Variants in FAM13B observed in about 807,000 individuals in gnomAD.
The protein encoded by FAM13B is family with sequence similarity 13 member B.
FAM13B carries 60 observed loss-of-function variants against 117.3 expected under a neutral mutation model. The observed-to-expected ratio is 0.51, with a 90% confidence interval of 0.42 to 0.63. The LOEUF is 0.63. FAM13B is among the 30% of genes least tolerant of loss of function. The pLI, the probability that FAM13B is intolerant of heterozygous loss-of-function variation, is 0.00. For synonymous variants in FAM13B, 332 were observed against 356.1 expected, an observed-to-expected ratio of 0.93 and a Z score of 0.76; for missense variants, 972 against 1,091.9, an observed-to-expected ratio of 0.89 and a Z score of 1.55.
rs1203381987 is a variant in FAM13B, at chr5:138,032,781, C to G, written c.-203+1G>C. 1.0e-6 allele frequency: 1 copy of G among 985,676 alleles called. No homozygotes were observed. The highest frequency in any genetic ancestry group is 1.7e-5 in the African/African-American group (1 of 57,244). 61.1% of individuals were successfully genotyped at this position (985,676 alleles called of 1,614,324 possible). On this transcript the variant is annotated splice_donor_variant, in intron 1 of 23. Transcript: ENST00000689681. LOFTEE classifies it low-confidence loss of function (5UTR_SPLICE). The stretch of plus-strand genomic sequence containing the variant: ...ATCCGGGTACCCGCCCGTTTACCTA[C>G]CGTTGGAACCGCGATGCCCCGTTCC...
rs763258572 is a variant in FAM13B at position 137,987,476 on chromosome 5, T to C, written c.1031A>G (p.Glu344Gly). 6 of 1,610,860 alleles carry C rather than the reference T, an allele frequency of 3.7e-6. No homozygotes were observed. The East Asian group carries it at 8.9e-5, about 24-fold the overall frequency. Residue 344 changes from glutamate to glycine, a missense_variant, in exon 9 of 24, where the codon GAA becomes GGA. Physicochemically the swap from Glu to Gly is moderately conservative, Grantham distance 98. Transcript: ENST00000689681. ...TGTTTCTTACTGGTTATTAGATCCT[T>C]CCCCATCACAATGAATACTTTCTGC... ...NEAESIHCDG[E>G]GSNNQIDIAD...
chr5:137,965,534 C>T (rs1769449450), intron 10 of FAM13B, among the ~76,000 whole-genome samples: 1 of 152,174 alleles, frequency 6.6e-6, no homozygotes, highest in African/African-American at 2.4e-5. Context: ...TCCCATTTCT[C>T]TCATTTACCT....
At chr5:137,962,610 T>C (rs1768471806) in intron 10 of FAM13B, 141 bp from the exon 11 acceptor site, 1 of 642,340 alleles carries the variant, frequency 1.6e-6, no homozygotes, top group African/African-American at 1.8e-5. Flanking sequence ...CTGTAGTACT[T>C]AGCATCTCTT....
chr5:137,979,199 G>C (rs1341115920), intron 10 of FAM13B, among the ~76,000 whole-genome samples: 1 of 152,060 alleles, frequency 6.6e-6, no homozygotes. Flanking sequence ...TTTTAGTAGA[G>C]ATGCGTTTTC....
intron 10 of FAM13B, among the ~76,000 whole-genome samples, 190 bp from the exon 11 acceptor site, chr5:137,962,659 C>A (rs1453362712): frequency 6.6e-6 from 1 of 152,156 alleles, no homozygotes; most frequent in African/African-American, 2.4e-5. Flanking sequence ...AAACCTGGGT[C>A]ATATGAAGTA....
upstream of FAM13B, among the ~76,000 whole-genome samples, chr5:138,035,014 T>TTTTTTTTTTTTTTTTTTTTG (rs1790995211): frequency 8.7e-6 from 1 of 114,888 alleles, no homozygotes; most frequent in Middle Eastern, 3.9e-3. Context: ...TTTTTTTTTT[T>TTTTTTTTTTTTTTTTTTTTG]TTTTTTTTTT....
chr5:137,992,502 G>A (rs923686200), intron 7 of FAM13B, among the ~76,000 whole-genome samples: 2 of 151,990 alleles, frequency 1.3e-5, no homozygotes, highest in Non-Finnish European at 1.5e-5. Context: ...GCTGAGGCAG[G>A]GGAATCACTT....
At chr5:137,942,303 C>A in intron 22 of FAM13B, 1 of 438,656 alleles carries the variant, frequency 2.3e-6, no homozygotes, top group Non-Finnish European at 4.0e-6. Flanking sequence ...GGATATAGAA[C>A]AAAAAGATCA....
intron 9 of FAM13B, among the ~76,000 whole-genome samples, chr5:137,986,557 A>C (rs1777299793): frequency 6.6e-6 from 1 of 152,204 alleles, no homozygotes; most frequent in Admixed American, 6.5e-5. Context: ...TCCTTCATTT[A>C]AAGGTAACAG....
chr5:137,982,099 T>A (rs1300705837), intron 10 of FAM13B, among the ~76,000 whole-genome samples: 1 of 152,220 alleles, frequency 6.6e-6, no homozygotes, highest in African/African-American at 2.4e-5. Flanking sequence ...GAAGTGGCAT[T>A]ATCTAATTTT....
chr5:137,975,467 G>T (rs1368333095), intron 10 of FAM13B, among the ~76,000 whole-genome samples: 1 of 152,026 alleles, frequency 6.6e-6, no homozygotes, highest in African/African-American at 2.4e-5. Context: ...ACAAATTCAT[G>T]TCATCAAACT....
chr5:138,033,390 G>A (rs1382148404), upstream of FAM13B, among the ~76,000 whole-genome samples: 1 of 152,228 alleles, frequency 6.6e-6, no homozygotes, highest in Non-Finnish European at 1.5e-5. Context: ...TCTCTGCGGA[G>A]GAAGCCAGGC....
intron 20 of FAM13B, among the ~76,000 whole-genome samples, chr5:137,944,922 A>G (rs1188029936): frequency 6.6e-6 from 1 of 151,012 alleles, no homozygotes; most frequent in African/African-American, 2.4e-5. Flanking sequence ...CATAAAAAAA[A>G]GGCAACAACA....
intron 13 of FAM13B, among the ~76,000 whole-genome samples, chr5:137,959,006 T>C (rs1767357936): frequency 6.6e-6 from 1 of 152,220 alleles, no homozygotes; most frequent in South Asian, 2.1e-4. Flanking sequence ...GAGAACTTTA[T>C]ATACAAAGAA....
chr5:138,023,731 G>A (rs1323186332), intron 1 of FAM13B, among the ~76,000 whole-genome samples: 3 of 152,118 alleles, frequency 2.0e-5, no homozygotes. Flanking sequence ...ACCACACCCG[G>A]CTAATTTTTG....
intron 7 of FAM13B, among the ~76,000 whole-genome samples, chr5:138,000,750 G>A (rs543694480): frequency 2.6e-5 from 4 of 152,078 alleles, no homozygotes; most frequent in Admixed American, 1.3e-4. Flanking sequence ...GGCCAACATG[G>A]TGAAACCCCA....
intron 1 of FAM13B, among the ~76,000 whole-genome samples, chr5:138,042,116 T>C (rs535889735): frequency 5.9e-5 from 9 of 152,264 alleles, no homozygotes; most frequent in East Asian, 5.8e-4. Context: ...CTCAGGTAGA[T>C]AGCAATGATA....
At chr5:138,007,253 TTCC>T (rs1782776217) in intron 6 of FAM13B, 106 bp from the exon 7 acceptor site, 2 of 868,822 alleles carry the variant, frequency 2.3e-6, no homozygotes, top group Non-Finnish European at 3.4e-6. Flanking sequence ...TCATTTTTAT[TTCC>T]TCATTTCCTA....
Position 137,939,120 on chromosome 5 carries a change from A to C in FAM13B, c.*1105T>G, listed in dbSNP as rs1028359006. 6.6e-6 allele frequency: 1 copy of C among 152,184 alleles called. No homozygotes were observed. Among genetic ancestry groups the C allele is most frequent in the African/African-American group, 2.4e-5 (1 of 41,426 alleles). 9.4% of individuals were successfully genotyped at this position (152,184 alleles called of 1,614,324 possible). A position where few individuals can be genotyped will look rare whatever the true frequency, so the allele number is the denominator to read the frequency against. ...AGGGGCATACCACTACACATCCTGTAAACAGCTGCTTTAAACAGCATGTTA... is the reference window on the plus strand; with the variant it reads ...AGGGGCATACCACTACACATCCTGTCAACAGCTGCTTTAAACAGCATGTTA... On this transcript the variant is annotated 3_prime_UTR_variant, in exon 24 of 24. Transcript: ENST00000689681.
Sources: allele counts gnomAD v4.1 joint callset (sites outside exome capture counted in the v4.1 genomes callset), GRCh38; gene constraint gnomAD v4.1.1; transcripts MANE v1.5; gene names NCBI Gene and HGNC (gene_info 2026-07-23, HGNC 2026-07-21).